KIF6: variants seen among roughly 807,000 people sequenced by gnomAD.
KIF6 encodes the protein kinesin family member 6.
A neutral mutation model predicts 112.7 loss-of-function variants in KIF6; 106 were observed. The observed-to-expected ratio is 0.94, with a 90% CI of 0.80 to 1.11. The LOEUF (loss-of-function observed/expected upper bound fraction) is 1.11. Ranked by LOEUF, KIF6 falls within the 50% of genes least tolerant of loss-of-function variation. KIF6 has a pLI of 0.00. For missense variants in KIF6, 929 were observed against 964.0 expected (o/e 0.96, Z 0.48); for synonymous variants, 339 against 339.9 (o/e 1.00, Z 0.03).
chr6:39,470,316 G>A (rs371515578), intron 13 of KIF6, among the ~76,000 whole-genome samples: 61 of 152,244 alleles, frequency 4.0e-4, no homozygotes, highest in African/African-American at 1.4e-3. Context: ...TCAGTCTGAC[G>A]GGTAGCTGAG....
intron 3 of KIF6, among the ~76,000 whole-genome samples, chr6:39,678,963 G>A (rs544122486): frequency 2.4e-4 from 37 of 152,134 alleles, no homozygotes; most frequent in East Asian, 7.7e-4. Context: ...GACATTCACC[G>A]CAGAGGAAAA....
intron 10 of KIF6, among the ~76,000 whole-genome samples, chr6:39,571,589 C>A (rs1780641661): frequency 6.6e-6 from 1 of 152,104 alleles, no homozygotes; most frequent in Non-Finnish European, 1.5e-5. Context: ...GTGCCTAGCA[C>A]AAGGAGAGAG....
intron 13 of KIF6, among the ~76,000 whole-genome samples, chr6:39,527,578 C>T (rs1777807575): frequency 6.6e-6 from 1 of 152,046 alleles, no homozygotes; most frequent in Admixed American, 6.6e-5. Context: ...TCCACTTATT[C>T]AATAAAGAAA....
intron 3 of KIF6, chr6:39,690,104 T>C (rs1788104185): frequency 6.6e-6 from 1 of 152,248 alleles, no homozygotes. Context: ...ATAATGTGAA[T>C]ATTATTACAT....
chr6:39,594,265 G>A (rs1175995087), intron 7 of KIF6, among the ~76,000 whole-genome samples: 1 of 151,824 alleles, frequency 6.6e-6, no homozygotes, highest in East Asian at 1.9e-4. Flanking sequence ...TACAATTGGT[G>A]GGAAGTCTGA....
intron 3 of KIF6, among the ~76,000 whole-genome samples, chr6:39,678,895 A>C (rs1007889189): frequency 9.2e-5 from 14 of 152,220 alleles, no homozygotes; most frequent in African/African-American, 3.4e-4. Context: ...AAAATAACTG[A>C]AGAAATAAAT....
intron 13 of KIF6, among the ~76,000 whole-genome samples, chr6:39,436,493 G>T (rs773440390): frequency 2.0e-5 from 3 of 151,580 alleles, no homozygotes; most frequent in Non-Finnish European, 2.9e-5. Flanking sequence ...AATTTTTATG[G>T]CTTCAAGTCT....
At chr6:39,637,852 G>T (rs1784706945) in intron 4 of KIF6, among the ~76,000 whole-genome samples, 1 of 152,002 alleles carries the variant, frequency 6.6e-6, no homozygotes, top group Non-Finnish European at 1.5e-5. Context: ...TGGGCTCGCT[G>T]CAAGTCCAGG....
chr6:39,601,222 C>T (rs762001903), intron 6 of KIF6, among the ~76,000 whole-genome samples: 42 of 152,142 alleles, frequency 2.8e-4, no homozygotes, highest in Non-Finnish European at 5.4e-4. Flanking sequence ...GATGGATATC[C>T]AACCCATCCT....
intron 15 of KIF6, among the ~76,000 whole-genome samples, chr6:39,398,338 C>G (rs962995961): frequency 1.2e-4 from 18 of 152,168 alleles, no homozygotes; most frequent in African/African-American, 4.3e-4. Flanking sequence ...GTTTCTAATC[C>G]TCATCGAAGC....
chr6:39,431,258 C>G, intron 13 of KIF6, 97 bp from the exon 14 acceptor site: 1 of 696,354 alleles, frequency 1.4e-6, no homozygotes, highest in South Asian at 1.7e-5. Context: ...GCCCTGGCTC[C>G]AAGAGGCCCA....
intron 22 of KIF6, among the ~76,000 whole-genome samples, chr6:39,337,541 G>GTCCACGCCTGCCCCTGGC (rs1208371213): frequency 6.6e-6 from 1 of 152,026 alleles, no homozygotes; most frequent in Admixed American, 6.6e-5. Flanking sequence ...TCAAATTCCT[G>GTCCACGCCTGCCCCTGGC]AGCTTAAGTG....
intron 13 of KIF6, among the ~76,000 whole-genome samples, chr6:39,535,785 T>G (rs1485409589): frequency 6.6e-6 from 1 of 152,070 alleles, no homozygotes; most frequent in African/African-American, 2.4e-5. Context: ...ACACCACACC[T>G]ATTCCAAAAT....
At chr6:39,603,941 C>T (rs921792754) in intron 6 of KIF6, among the ~76,000 whole-genome samples, 3 of 152,060 alleles carry the variant, frequency 2.0e-5, no homozygotes, top group African/African-American at 7.2e-5. Flanking sequence ...GGAATTTCCA[C>T]TAATCTAGAA....
chr6:39,718,220 A>AACCTGT (rs1300078508), intron 2 of KIF6, among the ~76,000 whole-genome samples: 1 of 117,110 alleles, frequency 8.5e-6, no homozygotes, highest in Non-Finnish European at 1.7e-5. Flanking sequence ...ACAGAGTGAG[A>AACCTGT]CTCCATCTCA....
rs750044793 is a variant in KIF6, at chr6:39,540,050, TC to T, written c.1597del (p.Asp533ThrfsTer16). 1 of 1,613,404 alleles carries T rather than the reference TC, an allele frequency of 6.2e-7. No homozygotes were observed. The highest frequency in any genetic ancestry group is 1.7e-5 in the Admixed American group (1 of 59,874). On this transcript the variant is annotated frameshift_variant, in exon 13 of 23. Coordinates refer to ENST00000287152, the MANE Select transcript of KIF6 (RefSeq NM_145027.6). LOFTEE classifies it high-confidence loss of function. The part of the protein sequence containing the change: ...RLSSAPSQAQ[D>X]FSILGKRSSL... ...GGATCTTTTCCCCAAAATGCTGAAG[TC>T]CTGGGCCTGTGAGGGAGCTGAGGAT...
At chr6:39,441,777 C>T (rs1056378927) in intron 13 of KIF6, among the ~76,000 whole-genome samples, 2 of 152,226 alleles carry the variant, frequency 1.3e-5, no homozygotes, top group African/African-American at 4.8e-5. Flanking sequence ...TGCCCCAAGG[C>T]TTTGAGGTTA....
intron 13 of KIF6, among the ~76,000 whole-genome samples, chr6:39,446,773 A>T (rs1276776310): frequency 6.6e-6 from 1 of 152,232 alleles, no homozygotes; most frequent in Non-Finnish European, 1.5e-5. Context: ...TACAGGCATG[A>T]GCCACTGAGC....
chr6:39,540,664 A>G (rs1051499731), intron 12 of KIF6, among the ~76,000 whole-genome samples: 7 of 152,214 alleles, frequency 4.6e-5, no homozygotes, highest in African/African-American at 1.7e-4. Context: ...GAGGATGGTG[A>G]AACCCACCCG....
Sources: allele counts gnomAD v4.1 joint callset (sites outside exome capture counted in the v4.1 genomes callset), GRCh38; gene constraint gnomAD v4.1.1; transcripts MANE v1.5; gene names NCBI Gene and HGNC (gene_info 2026-07-23, HGNC 2026-07-21).